The following SLC38A9 variants were observed in gnomAD, a reference collection of about 807,000 sequenced individuals.
SLC38A9 encodes the protein solute carrier family 38 member 9.
In SLC38A9, 48 loss-of-function variants were observed where a neutral mutation model predicts 62.3. The ratio of observed to expected loss-of-function variants is 0.77; its 90% CI spans 0.61 to 0.98. The LOEUF is 0.98. SLC38A9 is among the 50% of genes least tolerant of loss of function. The pLI, the probability that SLC38A9 is intolerant of heterozygous loss-of-function variation, is 0.00. For synonymous variants in SLC38A9, 204 were observed against 227.7 expected, an observed-to-expected ratio of 0.90 and a Z score of 0.94; for missense variants, 541 against 679.8, an observed-to-expected ratio of 0.80 and a Z score of 2.27.
At chr5:55,648,423 T>G (rs1165830298) in intron 11 of SLC38A9, among the ~76,000 whole-genome samples, 1 of 152,186 alleles carries the variant, frequency 6.6e-6, no homozygotes, top group African/African-American at 2.4e-5. Flanking sequence ...CATAATACAT[T>G]AAATAACAGA....
At chr5:55,661,124 T>C (rs758658284) in intron 8 of SLC38A9, among the ~76,000 whole-genome samples, 71 of 151,962 alleles carry the variant, frequency 4.7e-4, no homozygotes, top group Non-Finnish European at 8.5e-4. Flanking sequence ...CAAAGAACTA[T>C]GCCATGCCAA....
chr5:55,703,382 G>C lies in SLC38A9; in HGVS notation c.-34-5390C>G, dbSNP rs544909096. 2.6e-5 allele frequency among the ~76,000 whole-genome samples: 4 copies of C among 152,266 alleles called. No homozygotes were observed. The South Asian group carries it at 8.3e-4, about 32-fold the overall frequency. On this transcript the variant is annotated intron_variant, in intron 2 of 15. Transcript: ENST00000396865. The stretch of plus-strand genomic sequence containing the variant: ...GTCAAATTAGCTTAGTAATAGATCA[G>C]TGTAAAATTTATTCTTTTAAGATAA...
At chr5:55,672,481 T>C in intron 4 of SLC38A9, 82 bp downstream of exon 4, 2 of 1,489,644 alleles carry the variant, frequency 1.3e-6, no homozygotes, top group Non-Finnish European at 1.8e-6. Flanking sequence ...AGAAGTTCAA[T>C]CACTGGGAGG....
chr5:55,691,253 C>T lies in SLC38A9; in HGVS notation c.113+6593G>A, dbSNP rs915129993. 8.9e-6 allele frequency: 11 copies of T among 1,236,668 alleles called. No individual in the cohort carries two copies. In the African/African-American group the frequency reaches 1.5e-4, roughly 17 times the overall value. 76.6% of individuals were successfully genotyped at this position (1,236,668 alleles called of 1,614,324 possible). On this transcript the variant is annotated intron_variant, in intron 3 of 15. Transcript: ENST00000396865. Reference sequence around the variant, plus strand: ...TAATAGACTAAGTCTCTGACATATCCAATTGTTTTCCATTATAATACCAAG... The same window carrying T: ...TAATAGACTAAGTCTCTGACATATCTAATTGTTTTCCATTATAATACCAAG...
chr5:55,655,863 A>G (rs1748316778), intron 9 of SLC38A9, among the ~76,000 whole-genome samples: 1 of 152,208 alleles, frequency 6.6e-6, no homozygotes, highest in Non-Finnish European at 1.5e-5. Flanking sequence ...CCAAAGTTAT[A>G]TTAATGTTTA....
At chr5:55,676,737 G>T (rs1752155963) in intron 3 of SLC38A9, among the ~76,000 whole-genome samples, 2 of 152,076 alleles carry the variant, frequency 1.3e-5, no homozygotes, top group Admixed American at 1.3e-4. Context: ...TCAATAGTAT[G>T]CTACGTAGGT....
intron 3 of SLC38A9, among the ~76,000 whole-genome samples, chr5:55,686,122 ATTC>A (rs1753782517): frequency 6.6e-6 from 1 of 152,150 alleles, no homozygotes; most frequent in Non-Finnish European, 1.5e-5. Context: ...AACTATTTAT[ATTC>A]CTTTGGGTAT....
Position 55,627,889 on chromosome 5 carries a change from A to C in SLC38A9, c.1520+2T>G. On this transcript the variant is annotated splice_donor_variant, in intron 15 of 15. Transcript: ENST00000396865. LOFTEE classifies it high-confidence loss of function. ...GGGCACCATTCCCTTACAAGGCAGT[A>C]CCTTATGATCCCTCCTATGTTTGGG... 1 of 1,591,140 alleles carries C rather than the reference A, an allele frequency of 6.3e-7. No individual in the cohort carries two copies. The highest frequency in any genetic ancestry group is 8.6e-7 in the Non-Finnish European group (1 of 1,160,050).
intron 11 of SLC38A9, among the ~76,000 whole-genome samples, chr5:55,646,341 A>C (rs1049804193): frequency 6.6e-6 from 1 of 152,184 alleles, no homozygotes; most frequent in Admixed American, 6.5e-5. Flanking sequence ...ATTACACTGC[A>C]GCCTGGGTGA....
intron 10 of SLC38A9, among the ~76,000 whole-genome samples, chr5:55,650,616 A>G (rs937754018): frequency 1.3e-5 from 2 of 152,242 alleles, no homozygotes; most frequent in Non-Finnish European, 2.9e-5. Flanking sequence ...AGAAAGGATG[A>G]AAACAGGACG....
In SLC38A9 at chr5:55,664,795, A is replaced by C. The variant is rs1333831386; in HGVS notation, c.595T>G (p.Trp199Gly). The C allele has an allele frequency of 1.3e-5, 20 of 1,596,932 alleles. No homozygotes were observed. The highest frequency in any genetic ancestry group is 1.6e-5 in the Non-Finnish European group (19 of 1,172,700). ...CRHYFGSFGQ[W>G]SSLLFSLVSL... is the part of the protein sequence containing the mutation. ...ACCAAGGAGAAAAGGAGACTCGACC[A>C]CTGCCCAAAGGAGCCGAAATAATGT... is the stretch of plus-strand genomic sequence containing the variant. The change falls in exon 8 of 16, where the codon TGG becomes GGG. Residue 199 changes from tryptophan to glycine, a missense_variant. By Grantham distance (184) the Trp-to-Gly change is radical. Transcript: ENST00000396865.
chr5:55,702,144 C>T (rs1030455767), intron 2 of SLC38A9, among the ~76,000 whole-genome samples: 2 of 152,146 alleles, frequency 1.3e-5, no homozygotes, highest in Non-Finnish European at 2.9e-5. Flanking sequence ...ACACTCACTA[C>T]CTGTGTAACT....
At chr5:55,684,275 G>A (rs1027913271) in intron 3 of SLC38A9, among the ~76,000 whole-genome samples, 1 of 151,918 alleles carries the variant, frequency 6.6e-6, no homozygotes, top group Non-Finnish European at 1.5e-5. Context: ...CAATCATCTT[G>A]TCCTGGCTTC....
At chr5:55,652,226 C>G (rs541599719) in intron 10 of SLC38A9, among the ~76,000 whole-genome samples, 3 of 150,976 alleles carry the variant, frequency 2.0e-5, no homozygotes, top group Middle Eastern at 3.2e-3. Context: ...GGTGTGGTGG[C>G]GCATACCTGT....
At chr5:55,659,892 A>G (rs1304786081) in intron 8 of SLC38A9, among the ~76,000 whole-genome samples, 2 of 151,380 alleles carry the variant, frequency 1.3e-5, no homozygotes, top group East Asian at 3.9e-4. Flanking sequence ...CAGCCTCCCA[A>G]GTAGCTGGGA....
chr5:55,677,926 T>TGTGTGTGTGTGTGTGTGTGTGTGTGTGTG lies in SLC38A9; in HGVS notation c.114-5232_114-5231insCACACACACACACACACACACACACACAC, dbSNP rs1554062822. Among the ~76,000 whole-genome samples the TGTGTGTGTGTGTGTGTGTGTGTGTGTGTG allele has an allele frequency of 6.2e-5, 7 of 112,212 alleles. 1 individual carries two copies. Among genetic ancestry groups the TGTGTGTGTGTGTGTGTGTGTGTGTGTGTG allele is most frequent in the South Asian group, 3.3e-4 (1 of 3,040 alleles). 73.6% of individuals were successfully genotyped at this position (112,212 alleles called of 152,430 possible). On this transcript the variant is annotated intron_variant, in intron 3 of 15. Transcript: ENST00000396865. ...TAAATCAATACTTTTTTTTTCTTTA[T>TGTGTGTGTGTGTGTGTGTGTGTGTGTGTG]TGTGTGTGTGTGTGTGTGTGTGTGT...
rs145126466 is a variant in SLC38A9, at chr5:55,690,138, T to G, written c.113+7708A>C. On this transcript the variant is annotated intron_variant, in intron 3 of 15. Coordinates refer to ENST00000396865, the MANE Select transcript of SLC38A9 (RefSeq NM_173514.4). ...AGATCCCAGTCTAACAAAGTTTGTA[T>G]TTAGATTTTTTTTGCTTTTGTAGAA... is the stretch of plus-strand genomic sequence containing the variant. 6.0e-3 allele frequency among the ~76,000 whole-genome samples: 910 copies of G among 152,280 alleles called. 4 individuals carry two copies. Among genetic ancestry groups the G allele is most frequent in the Non-Finnish European group, 9.5e-3 (643 of 68,012 alleles).
chr5:55,657,208 A>G (rs1748609636), intron 8 of SLC38A9, among the ~76,000 whole-genome samples: 1 of 152,220 alleles, frequency 6.6e-6, no homozygotes, highest in Non-Finnish European at 1.5e-5. Context: ...TTCACTGTTA[A>G]CATAGCTTCA....
chr5:55,633,505 T>A, intron 14 of SLC38A9: 1 of 399,572 alleles, frequency 2.5e-6, no homozygotes. Flanking sequence ...AATTAAATAA[T>A]AAGATAAATA....
Sources: gnomAD v4.1 joint callset for allele counts (sites outside exome capture counted in the v4.1 genomes callset) on GRCh38, gnomAD v4.1.1 for gene constraint, MANE v1.5 for transcripts, NCBI Gene and HGNC (gene_info 2026-07-23, HGNC 2026-07-21) for gene names.